FBXW7: variants seen among roughly 807,000 people sequenced by gnomAD.
FBXW7 encodes F-box and WD repeat domain containing 7, also known as F-box/WD repeat-containing protein 7.
In FBXW7, 11 loss-of-function variants were observed where a neutral mutation model predicts 86.3. The ratio of observed to expected loss-of-function variants is 0.13; its 90% CI spans 0.08 to 0.21. FBXW7 has a LOEUF of 0.21. Ranked by LOEUF, FBXW7 falls within the 10% of genes least tolerant of loss-of-function variation. The probability of loss-of-function intolerance (pLI) is 1.00; values close to 1 mark genes in which losing one functional copy is unlikely to be tolerated. For synonymous variants in FBXW7, 313 were observed against 297.9 expected, an observed-to-expected ratio of 1.05 and a Z score of -0.52; for missense variants, 488 against 847.4, an observed-to-expected ratio of 0.58 and a Z score of 5.27.
At chr4:152,330,459 G>C (rs778050628) in intron 9 of FBXW7, among the ~76,000 whole-genome samples, 4 of 151,876 alleles carry the variant, frequency 2.6e-5, no homozygotes, top group Non-Finnish European at 5.9e-5. Context: ...GTATGACACA[G>C]TAAAATTCAA....
intron 4 of FBXW7, among the ~76,000 whole-genome samples, chr4:152,391,725 T>C (rs561116956): frequency 6.6e-6 from 1 of 152,270 alleles, no homozygotes; most frequent in East Asian, 1.9e-4. Context: ...TCATTATCCT[T>C]GTCTACTTGT....
At chr4:152,389,299 A>G (rs1453960654) in intron 4 of FBXW7, among the ~76,000 whole-genome samples, 1 of 152,122 alleles carries the variant, frequency 6.6e-6, no homozygotes, top group South Asian at 2.1e-4. Flanking sequence ...ACCCAAAAGA[A>G]AAGAAATCAT....
chr4:152,360,795 T>C (rs1732863403), intron 4 of FBXW7, among the ~76,000 whole-genome samples: 1 of 150,950 alleles, frequency 6.6e-6, no homozygotes, highest in Non-Finnish European at 1.5e-5. Context: ...GCACTGTGTA[T>C]GCATAGAGAA....
At chr4:152,353,017 G>A in intron 4 of FBXW7, 2 of 1,214,626 alleles carry the variant, frequency 1.6e-6, no homozygotes, top group Non-Finnish European at 2.1e-6. Flanking sequence ...CCACACGACA[G>A]CCCCCTCTCC....
At chr4:152,489,675 A>G (rs1434225610) in intron 2 of FBXW7, among the ~76,000 whole-genome samples, 2 of 152,134 alleles carry the variant, frequency 1.3e-5, no homozygotes, top group Non-Finnish European at 2.9e-5. Flanking sequence ...AGTCAACAGG[A>G]TGTGTTTAGA....
chr4:152,459,495 G>A (rs1742739568), intron 2 of FBXW7, among the ~76,000 whole-genome samples: 2 of 152,066 alleles, frequency 1.3e-5, no homozygotes, highest in Admixed American at 6.6e-5. Context: ...TTTATAGACA[G>A]CAATTAATTC....
intron 2 of FBXW7, among the ~76,000 whole-genome samples, chr4:152,454,983 T>C (rs1368383171): frequency 6.6e-6 from 1 of 152,132 alleles, no homozygotes; most frequent in African/African-American, 2.4e-5. Flanking sequence ...AATGTGTTTT[T>C]AAAAATTATT....
At chr4:152,343,334 T>G (rs1730924646) in intron 6 of FBXW7, among the ~76,000 whole-genome samples, 1 of 152,162 alleles carries the variant, frequency 6.6e-6, no homozygotes, top group Non-Finnish European at 1.5e-5. Context: ...TTTTTAGATC[T>G]GAGAAAATTT....
chr4:152,468,848 G>GA (rs770116551), intron 2 of FBXW7, among the ~76,000 whole-genome samples: 6 of 151,722 alleles, frequency 4.0e-5, no homozygotes, highest in South Asian at 2.1e-4. Flanking sequence ...CATCAATAGG[G>GA]AAAAAAATGA....
At chr4:152,432,146 C>A (rs1177874862) in intron 2 of FBXW7, among the ~76,000 whole-genome samples, 2 of 152,206 alleles carry the variant, frequency 1.3e-5, no homozygotes, top group South Asian at 4.1e-4. Context: ...TCTCTACCTC[C>A]TAGAGAATGT....
At chr4:152,449,217 A>C (rs1741687798) in intron 2 of FBXW7, among the ~76,000 whole-genome samples, 1 of 152,222 alleles carries the variant, frequency 6.6e-6, no homozygotes, top group South Asian at 2.1e-4. Context: ...AAGAATAATC[A>C]ACAAATTTTA....
At position 152,333,796 on chromosome 4, in the gene FBXW7, G is replaced by GT. The variant is rs1218951301; in HGVS notation, c.862-1078dup. 2.6e-5 allele frequency among the ~76,000 whole-genome samples: 4 copies of GT among 152,206 alleles called. No homozygotes were observed. The East Asian group carries it at 5.8e-4, about 22-fold the overall frequency. On this transcript the variant is annotated intron_variant, in intron 7 of 13. Coordinates refer to ENST00000281708, the MANE Select transcript of FBXW7 (RefSeq NM_001349798.2). ...GGGCTGGGTGTGGTGGCTCACTCCT[G>GT]TAATACCAGCACTTTGGGAGGCCGA... is the stretch of plus-strand genomic sequence containing the variant.
chr4:152,403,356 T>C (rs1737114192), intron 4 of FBXW7, among the ~76,000 whole-genome samples: 1 of 151,748 alleles, frequency 6.6e-6, no homozygotes, highest in Non-Finnish European at 1.5e-5. Context: ...CAAACACCTG[T>C]AATCCCAGCT....
rs1397391466 is a variant in FBXW7 at position 152,535,374 on chromosome 4, A to T, written c.-460T>A. On this transcript the variant is annotated 5_prime_UTR_variant, in exon 1 of 14. Transcript: ENST00000281708. ...GGAGCCGGGGGGCCGGCGACTGGCCAAGGGAGAAGACCCCCGGAGGGGGCT... is the reference window on the plus strand; with the variant it reads ...GGAGCCGGGGGGCCGGCGACTGGCCTAGGGAGAAGACCCCCGGAGGGGGCT... 7 of 351,016 alleles carry T rather than the reference A, an allele frequency of 2.0e-5. No individual in the cohort carries two copies. Among genetic ancestry groups the T allele is most frequent in the Non-Finnish European group, 3.6e-5 (7 of 196,824 alleles). The allele number at this position is 351,016 out of a possible 1,614,324, so 21.7% of individuals were successfully genotyped here.
At chr4:152,378,544 T>C (rs913856202) in intron 4 of FBXW7, among the ~76,000 whole-genome samples, 3 of 152,140 alleles carry the variant, frequency 2.0e-5, no homozygotes, top group African/African-American at 7.2e-5. Flanking sequence ...TATATTTAAG[T>C]CCCAAATAAA....
intron 2 of FBXW7, among the ~76,000 whole-genome samples, chr4:152,492,533 T>C (rs1388093414): frequency 2.0e-5 from 3 of 152,208 alleles, no homozygotes; most frequent in African/African-American, 7.2e-5. Flanking sequence ...CCTAGAATAT[T>C]TGTAGTTGAC....
At chr4:152,441,579 CTAA>C (rs1483919403) in intron 2 of FBXW7, among the ~76,000 whole-genome samples, 1 of 152,020 alleles carries the variant, frequency 6.6e-6, no homozygotes, top group Non-Finnish European at 1.5e-5. Flanking sequence ...TAATGAAGCT[CTAA>C]TAATAAAATG....
At chr4:152,422,040 A>G (rs1015364029) in intron 2 of FBXW7, among the ~76,000 whole-genome samples, 6 of 152,162 alleles carry the variant, frequency 3.9e-5, no homozygotes, top group African/African-American at 1.4e-4. Flanking sequence ...AAATGGCACC[A>G]AGAGACTTGC....
At chr4:152,370,957 T>G (rs1387790617) in intron 4 of FBXW7, among the ~76,000 whole-genome samples, 1 of 151,144 alleles carries the variant, frequency 6.6e-6, no homozygotes, top group Non-Finnish European at 1.5e-5. Flanking sequence ...AAACCCTACT[T>G]TAATAATTTT....
Sources: gnomAD v4.1 joint callset for allele counts (sites outside exome capture counted in the v4.1 genomes callset) on GRCh38, gnomAD v4.1.1 for gene constraint, MANE v1.5 for transcripts, NCBI Gene and HGNC (gene_info 2026-07-23, HGNC 2026-07-21) for gene names.